SWAP70: variants seen among roughly 807,000 people sequenced by gnomAD.
SWAP70 encodes the protein switch-associated protein 70.
In SWAP70, 34 loss-of-function variants were observed where a neutral mutation model predicts 80.2. That is an observed-to-expected ratio of 0.42 (90% confidence interval 0.32 to 0.56). SWAP70 has a LOEUF of 0.56. Ranked by LOEUF, SWAP70 falls within the 20% of genes least tolerant of loss-of-function variation. The pLI, the probability that SWAP70 is intolerant of heterozygous loss-of-function variation, is 0.09. For synonymous variants in SWAP70, 239 were observed against 238.5 expected, an observed-to-expected ratio of 1.00 and a Z score of -0.02; for missense variants, 578 against 690.7, an observed-to-expected ratio of 0.84 and a Z score of 1.83.
intron 2 of SWAP70, among the ~76,000 whole-genome samples, chr11:9,711,618 C>T (rs1163599950): frequency 6.6e-6 from 1 of 152,156 alleles, no homozygotes; most frequent in African/African-American, 2.4e-5. Flanking sequence ...CGCAGAAGAT[C>T]ATGGACAGGG....
chr11:9,745,721 A>G (rs1851503050), intron 9 of SWAP70, among the ~76,000 whole-genome samples: 2 of 152,190 alleles, frequency 1.3e-5, no homozygotes, highest in Admixed American at 6.5e-5. Flanking sequence ...TAAACCTTTG[A>G]TGGTAGGTGT....
chr11:9,701,012 G>A (rs1486293216), intron 2 of SWAP70, among the ~76,000 whole-genome samples: 3 of 152,022 alleles, frequency 2.0e-5, no homozygotes, highest in Non-Finnish European at 2.9e-5. Context: ...CATACCAAGA[G>A]TTAAATTATA....
rs182204853 is a variant in SWAP70 at position 9,689,807 on chromosome 11, C to T, written c.100-4339C>T. Among the ~76,000 whole-genome samples the T allele has an allele frequency of 1.6e-4, 25 of 152,316 alleles. No homozygotes were observed. The East Asian group carries it at 2.5e-3, about 15-fold the overall frequency. On this transcript the variant is annotated intron_variant, in intron 1 of 11. Coordinates refer to ENST00000318950, the MANE Select transcript of SWAP70 (RefSeq NM_015055.4). ...CCCAGACTTCTAGGTATGTGGACTT[C>T]CTTGCCACTGGCACTAACTTGGCTC...
intron 9 of SWAP70, among the ~76,000 whole-genome samples, chr11:9,746,208 G>C (rs991470829): frequency 1.3e-5 from 2 of 152,206 alleles, no homozygotes; most frequent in Non-Finnish European, 2.9e-5. Context: ...CTGCCAAGGG[G>C]TGGGAGGGCA....
intron 3 of SWAP70, among the ~76,000 whole-genome samples, chr11:9,722,898 G>A (rs983170709): frequency 1.2e-4 from 18 of 152,174 alleles, no homozygotes; most frequent in Admixed American, 1.1e-3. Flanking sequence ...ACACATGATA[G>A]GGAGGCACAA....
At chr11:9,741,960 T>TAAAAAAAAAAAAAAAAC (rs1851446385) in intron 9 of SWAP70, 1 of 39,532 alleles carries the variant, frequency 2.5e-5, no homozygotes. Context: ...AAAAAAAAAG[T>TAAAAAAAAAAAAAAAAC]CTACTTGGGA....
intron 3 of SWAP70, chr11:9,720,446 T>C: frequency 1.0e-6 from 1 of 985,382 alleles, no homozygotes; most frequent in Non-Finnish European, 1.2e-6. Flanking sequence ...TTGAAGAAAC[T>C]GAAGCTTGGA....
chr11:9,683,534 G>C (rs940589102), intron 1 of SWAP70, among the ~76,000 whole-genome samples: 8 of 152,314 alleles, frequency 5.3e-5, no homozygotes, highest in Middle Eastern at 3.4e-3. Flanking sequence ...AGAGTGACTT[G>C]GCCAGAAGGT....
intron 9 of SWAP70, among the ~76,000 whole-genome samples, chr11:9,746,490 C>T (rs945844855): frequency 6.6e-6 from 1 of 152,198 alleles, no homozygotes; most frequent in African/African-American, 2.4e-5. Context: ...CTGCACTGGT[C>T]AGACCACATC....
intron 4 of SWAP70, among the ~76,000 whole-genome samples, chr11:9,726,189 A>G (rs1386327899): frequency 6.6e-6 from 1 of 152,146 alleles, no homozygotes; most frequent in African/African-American, 2.4e-5. Flanking sequence ...AAATACCTTT[A>G]TGTAGCAAAG....
intron 8 of SWAP70, 52 bp from the exon 9 acceptor site, chr11:9,740,128 TC>T: frequency 1.3e-6 from 2 of 1,565,390 alleles, no homozygotes; most frequent in East Asian, 4.5e-5. Flanking sequence ...GGTGAGGCTT[TC>T]CCTGAGAAAG....
chr11:9,744,735 C>G (rs1417098761), intron 9 of SWAP70, among the ~76,000 whole-genome samples: 4 of 152,052 alleles, frequency 2.6e-5, no homozygotes, highest in Non-Finnish European at 5.9e-5. Flanking sequence ...TGGTGAAACC[C>G]TGTCTCTACT....
intron 9 of SWAP70, 159 bp downstream of exon 9, chr11:9,740,506 G>A (rs770945261): frequency 8.2e-5 from 61 of 746,472 alleles, no homozygotes; most frequent in Non-Finnish European, 1.2e-4. Context: ...GTGGAGACTC[G>A]ACCGGCTGGA....
At chr11:9,672,195 C>CTCTATATA (rs1554982641) in intron 1 of SWAP70, among the ~76,000 whole-genome samples, 3 of 78,438 alleles carry the variant, frequency 3.8e-5, no homozygotes, top group African/African-American at 1.5e-4. Context: ...ATGTGTGTGT[C>CTCTATATA]TATATATATA....
intron 2 of SWAP70, among the ~76,000 whole-genome samples, chr11:9,694,946 T>G (rs1211452538): frequency 2.0e-5 from 3 of 152,090 alleles, no homozygotes; most frequent in Non-Finnish European, 4.4e-5. Flanking sequence ...GACCCAGCAA[T>G]TGCATTACTG....
At chr11:9,698,091 A>ATT (rs1850781840) in intron 2 of SWAP70, among the ~76,000 whole-genome samples, 1 of 107,126 alleles carries the variant, frequency 9.3e-6, no homozygotes, top group African/African-American at 3.2e-5. Context: ...TGGCCAATAC[A>ATT]TGTTTTTTGT....
intron 2 of SWAP70, among the ~76,000 whole-genome samples, chr11:9,712,084 C>A (rs576224624): frequency 6.6e-6 from 1 of 152,114 alleles, no homozygotes; most frequent in South Asian, 2.1e-4. Flanking sequence ...ACTCTTTCTG[C>A]GAATCTTTCC....
intron 1 of SWAP70, among the ~76,000 whole-genome samples, chr11:9,684,830 G>A (rs1418313896): frequency 6.6e-6 from 1 of 152,058 alleles, no homozygotes; most frequent in East Asian, 1.9e-4. Flanking sequence ...TTCTTAAATG[G>A]GACTAATTTA....
rs1266489049 is a variant in SWAP70 at position 9,751,946 on chromosome 11, C to A, written c.*1976C>A. The A allele has an allele frequency of 1.3e-5, 2 of 152,162 alleles. No homozygotes were observed. The highest frequency in any genetic ancestry group is 2.9e-5 in the Non-Finnish European group (2 of 68,038). 9.4% of individuals were successfully genotyped at this position (152,162 alleles called of 1,614,324 possible). A position where few individuals can be genotyped will look rare whatever the true frequency, so the allele number is the denominator to read the frequency against. On this transcript the variant is annotated 3_prime_UTR_variant, in exon 12 of 12. Transcript: ENST00000318950. The stretch of plus-strand genomic sequence containing the variant: ...CATTTATCAGTATTATCATTTTATT[C>A]AGTAGCTGGCAGGTGTATTAGACCA...
Sources: allele counts gnomAD v4.1 joint callset (sites outside exome capture counted in the v4.1 genomes callset), GRCh38; gene constraint gnomAD v4.1.1; transcripts MANE v1.5; gene names NCBI Gene and HGNC (gene_info 2026-07-23, HGNC 2026-07-21).